The following ATP8B3 variants were observed in gnomAD, a reference collection of about 807,000 sequenced individuals.
The protein encoded by ATP8B3 is phospholipid-transporting ATPase IK.
In ATP8B3, 141 loss-of-function variants were observed where a neutral mutation model predicts 140.9. The observed-to-expected ratio is 1.00, with a 90% CI of 0.87 to 1.15. ATP8B3 has a LOEUF of 1.15. Ranked by LOEUF, ATP8B3 falls within the 50% of genes most tolerant of loss-of-function variation. The pLI is 0.00. For synonymous variants in ATP8B3, 765 were observed against 714.6 expected, an observed-to-expected ratio of 1.07 and a Z score of -1.13; for missense variants, 1,874 against 1,740.6, an observed-to-expected ratio of 1.08 and a Z score of -1.36.
At chr19:1,810,588 C>G (rs1368965045) in intron 3 of ATP8B3, 34 bp downstream of exon 3, 1 of 1,603,684 alleles carries the variant, frequency 6.2e-7, no homozygotes, top group Admixed American at 1.7e-5. Context: ...TAATCCCTCC[C>G]ACCTGCACCG....
chr19:1,799,891 C>G (rs1279162007), intron 14 of ATP8B3, 56 bp downstream of exon 14: 2 of 1,506,754 alleles, frequency 1.3e-6, no homozygotes, highest in Non-Finnish European at 1.8e-6. Context: ...TCTCAGGCAC[C>G]CTGAGCCCCT....
At chr19:1,785,808 G>A in intron 25 of ATP8B3, 100 bp from the exon 26 acceptor site, 1 of 1,304,588 alleles carries the variant, frequency 7.7e-7, no homozygotes, top group East Asian at 2.5e-5. Context: ...GCCACTCTCT[G>A]TGTGTGGCTC....
chr19:1,802,406 T>TAC, intron 11 of ATP8B3, 81 bp downstream of exon 11: 8 of 421,050 alleles, frequency 1.9e-5, no homozygotes, highest in South Asian at 5.5e-5. Context: ...TCCACCCACC[T>TAC]ACCCACCCAC....
chr19:1,809,527 G>T, intron 4 of ATP8B3, 116 bp downstream of exon 4: 1 of 854,850 alleles, frequency 1.2e-6, no homozygotes, highest in Non-Finnish European at 1.8e-6. Context: ...ACCAAAAAAA[G>T]AAAACTATCG....
At position 1,802,565 on chromosome 19, in the gene ATP8B3, G is replaced by A. The variant is rs2068889101; in HGVS notation, c.985C>T (p.Leu329=). 6.2e-7 allele frequency: 1 copy of A among 1,611,278 alleles called. No homozygotes were observed. The highest frequency in any genetic ancestry group is 8.5e-7 in the Non-Finnish European group (1 of 1,179,526). The change falls in exon 11 of 29, where the codon CTG becomes TTG. Residue 329 remains leucine, a synonymous_variant. Transcript: ENST00000310127. The stretch of plus-strand genomic sequence containing the variant: ...CGGAGGAGGAGGTTGCCAATGTCCA[G>A]GGAGTATTTCTTGTCATTCCATTCC... The part of the protein sequence containing the change: ...CLEWNDKKYS[L]DIGNLLLRGC...
In ATP8B3 at chr19:1,784,951, G is replaced by T. The variant is rs779657321; in HGVS notation, c.3533-5C>A. The T allele has an allele frequency of 1.9e-6, 3 of 1,605,910 alleles. No individual in the cohort carries two copies. Among genetic ancestry groups the T allele is most frequent in the Non-Finnish European group, 1.7e-6 (2 of 1,176,342 alleles). On this transcript the variant is annotated splice_region_variant and splice_polypyrimidine_tract_variant and intron_variant, in intron 27 of 28. Transcript: ENST00000310127. ...ACATCACGCTGAGGTCGGCATCTGG[G>T]GACAGGGCGGGGTCACAGCAGAGCC...
rs1274298907 is a variant in ATP8B3, at chr19:1,794,848, G to A, written c.2055+1027C>T. ...GGGGACAGAAAAAGCCTCAAATCCT[G>A]GGCCGAGGAGTTCGGGCTTCCCCCA... On this transcript the variant is annotated intron_variant, in intron 18 of 28. Coordinates refer to ENST00000310127, the MANE Select transcript of ATP8B3 (RefSeq NM_138813.4). The surrounding 1 kb of genome is among the most constrained non-coding windows in gnomAD (Gnocchi z 4.8). Among the ~76,000 whole-genome samples the A allele has an allele frequency of 6.6e-6, 1 of 152,188 alleles. No homozygotes were observed. Among genetic ancestry groups the A allele is most frequent in the Admixed American group, 6.5e-5 (1 of 15,280 alleles).
chr19:1,801,937 G>A lies in ATP8B3; in HGVS notation c.1152+19C>T, dbSNP rs751899245. The A allele has an allele frequency of 9.5e-6, 15 of 1,586,650 alleles. No homozygotes were observed. In the East Asian group the frequency reaches 3.4e-4, roughly 35 times the overall value. On this transcript the variant is annotated intron_variant, in intron 12 of 28. Coordinates refer to ENST00000310127, the MANE Select transcript of ATP8B3 (RefSeq NM_138813.4). ...ACTCCTCTGTGTTCCTGGGGCAGGGGCACTTGTTGGCAGCTCACCACAACC... is the reference window on the plus strand; with the variant it reads ...ACTCCTCTGTGTTCCTGGGGCAGGGACACTTGTTGGCAGCTCACCACAACC...
chr19:1,808,920 C>T (rs2069107041), intron 4 of ATP8B3, among the ~76,000 whole-genome samples: 1 of 152,180 alleles, frequency 6.6e-6, no homozygotes. Context: ...CCCCTGTAAT[C>T]CCAGCATTTC....
rs768029504 is a variant in ATP8B3 at position 1,801,947 on chromosome 19, G to C, written c.1152+9C>G. 6.2e-7 allele frequency: 1 copy of C among 1,608,322 alleles called. No homozygotes were observed. Among genetic ancestry groups the C allele is most frequent in the Non-Finnish European group, 8.5e-7 (1 of 1,175,940 alleles). On this transcript the variant is annotated intron_variant, in intron 12 of 28. Coordinates refer to ENST00000310127, the MANE Select transcript of ATP8B3 (RefSeq NM_138813.4). Reference sequence around the variant, plus strand: ...GTTCCTGGGGCAGGGGCACTTGTTGGCAGCTCACCACAACCACCAGCTTGT... The same window carrying C: ...GTTCCTGGGGCAGGGGCACTTGTTGCCAGCTCACCACAACCACCAGCTTGT...
chr19:1,783,600 A>G (rs1166452788), intron 28 of ATP8B3, among the ~76,000 whole-genome samples: 2 of 152,212 alleles, frequency 1.3e-5, no homozygotes, highest in African/African-American at 2.4e-5. Flanking sequence ...TCAGCCAATC[A>G]GAGTCCTTCC....
chr19:1,804,291 C>T (rs911761653), intron 10 of ATP8B3, among the ~76,000 whole-genome samples: 3 of 152,042 alleles, frequency 2.0e-5, no homozygotes, highest in East Asian at 3.9e-4. Context: ...GTGAGGAGTT[C>T]GAGACCAGCC....
At chr19:1,791,661 G>A in intron 20 of ATP8B3, 89 bp downstream of exon 20, 1 of 1,030,058 alleles carries the variant, frequency 9.7e-7, no homozygotes. Flanking sequence ...CCAAAGTGCT[G>A]GGATGACAGG....
chr19:1,783,445 A>G (rs2068217072), intron 28 of ATP8B3, among the ~76,000 whole-genome samples, 175 bp from the exon 29 acceptor site: 1 of 152,064 alleles, frequency 6.6e-6, no homozygotes, highest in Non-Finnish European at 1.5e-5. Flanking sequence ...TTGAGTTCTA[A>G]GGAGGACTCT....
chr19:1,791,741 G>A lies in ATP8B3; in HGVS notation c.2302+9C>T, dbSNP rs73916805. On this transcript the variant is annotated intron_variant, in intron 20 of 28. Coordinates refer to ENST00000310127, the MANE Select transcript of ATP8B3 (RefSeq NM_138813.4). Reference sequence around the variant, plus strand: ...GGGGCTTAGCCACCCGGAGCTGCCCGGGACTCACCCTGCTTGTCCCCGGTG... The same window carrying A: ...GGGGCTTAGCCACCCGGAGCTGCCCAGGACTCACCCTGCTTGTCCCCGGTG... 938 of 1,606,424 alleles carry A rather than the reference G, an allele frequency of 5.8e-4. 3 individuals carry two copies. In the African/African-American group the frequency reaches 8.6e-3, roughly 15 times the overall value.
intron 24 of ATP8B3, among the ~76,000 whole-genome samples, chr19:1,787,721 C>T (rs1021296834): frequency 9.2e-6 from 1 of 108,550 alleles, no homozygotes; most frequent in African/African-American, 3.4e-5. Flanking sequence ...AAGTGTGAAA[C>T]TCTGTCTAAA....
chr19:1,787,728 TAAAAAAAAA>T (rs561418063), intron 24 of ATP8B3, among the ~76,000 whole-genome samples: 1 of 119,726 alleles, frequency 8.4e-6, no homozygotes, highest in Admixed American at 9.0e-5. Context: ...AAACTCTGTC[TAAAAAAAAA>T]AAAAAAAAAA....
intron 10 of ATP8B3, among the ~76,000 whole-genome samples, chr19:1,803,540 C>T (rs573397418): frequency 7.2e-5 from 11 of 152,314 alleles, no homozygotes; most frequent in African/African-American, 2.6e-4. Flanking sequence ...CCTTGCTCAG[C>T]CCGGGAGGAA....
At chr19:1,790,736 C>A in intron 21 of ATP8B3, 21 bp downstream of exon 21, 2 of 1,581,860 alleles carry the variant, frequency 1.3e-6, no homozygotes, top group East Asian at 2.3e-5. Context: ...CTTGCTCACC[C>A]CCCAACTCCC....
Sources: allele counts gnomAD v4.1 joint callset (sites outside exome capture counted in the v4.1 genomes callset), GRCh38; gene constraint gnomAD v4.1.1; non-coding constraint Gnocchi (gnomAD v3.1); transcripts MANE v1.5; gene names NCBI Gene and HGNC (gene_info 2026-07-23, HGNC 2026-07-21).